Variants in NCOA3 observed in about 807,000 individuals in gnomAD.
The protein encoded by NCOA3 is CBP-interacting protein.
NCOA3 carries 51 observed loss-of-function variants against 158.8 expected under a neutral mutation model. That is an observed-to-expected ratio of 0.32 (90% CI 0.26 to 0.41). The LOEUF (loss-of-function observed/expected upper bound fraction) is 0.41. Ranked by LOEUF, NCOA3 falls within the 10% of genes least tolerant of loss-of-function variation. NCOA3 has a pLI of 1.00. For missense variants in NCOA3, 1,510 were observed against 1,746.6 expected, an observed-to-expected ratio of 0.86 and a Z score of 2.41; for synonymous variants, 537 against 592.4, an observed-to-expected ratio of 0.91 and a Z score of 1.36.
At chr20:47,577,137 TAAGCAAA>T (rs2085385011) in intron 1 of NCOA3, among the ~76,000 whole-genome samples, 1 of 152,268 alleles carries the variant, frequency 6.6e-6, no homozygotes, top group Non-Finnish European at 1.5e-5. Context: ...TATCGTTGTA[TAAGCAAA>T]AATGTATGGC....
chr20:47,510,653 T>C (rs958628899), intron 1 of NCOA3, among the ~76,000 whole-genome samples: 3 of 151,888 alleles, frequency 2.0e-5, no homozygotes, highest in Non-Finnish European at 4.4e-5. Context: ...GAGTGTAGTG[T>C]CACCATCACA....
At chr20:47,529,193 C>T (rs2084506384) in intron 1 of NCOA3, among the ~76,000 whole-genome samples, 1 of 147,752 alleles carries the variant, frequency 6.8e-6, no homozygotes, top group Admixed American at 6.7e-5. Flanking sequence ...GAGTGCATCT[C>T]AGCACTGCAA....
intron 1 of NCOA3, among the ~76,000 whole-genome samples, chr20:47,544,633 A>G (rs1301554906): frequency 6.6e-6 from 1 of 152,110 alleles, no homozygotes; most frequent in Non-Finnish European, 1.5e-5. Context: ...ATTACCTAGT[A>G]ACTTCTTTTT....
intron 1 of NCOA3, among the ~76,000 whole-genome samples, chr20:47,545,065 CT>C (rs1330405471): frequency 6.6e-6 from 1 of 150,712 alleles, no homozygotes; most frequent in Non-Finnish European, 1.5e-5. Context: ...TGTCATTCCA[CT>C]GTCTTCTGGC....
intron 1 of NCOA3, among the ~76,000 whole-genome samples, chr20:47,555,601 T>C (rs2084989975): frequency 6.6e-6 from 1 of 151,998 alleles, no homozygotes; most frequent in Non-Finnish European, 1.5e-5. Flanking sequence ...GATGCAGATT[T>C]ATTTTGTTTT....
At position 47,622,122 on chromosome 20, in the gene NCOA3, A is replaced by G. The variant is rs2086250900; in HGVS notation, c.-19-107A>G. 1.4e-5 allele frequency: 8 copies of G among 588,460 alleles called. No individual in the cohort carries two copies. In the South Asian group the frequency reaches 1.8e-4, roughly 13 times the overall value. The allele number at this position is 588,460 out of a possible 1,614,324, so 36.5% of individuals were successfully genotyped here. A position where few individuals can be genotyped will look rare whatever the true frequency, so the allele number is the denominator to read the frequency against. ...AATATTGAGAATTATCTGTTTAGAG[A>G]AAGTAGTTCTGAATTAAAAGTTGCA... On this transcript the variant is annotated intron_variant, in intron 2 of 22. Transcript: ENST00000371998.
chr20:47,504,388 A>G (rs1457131447), intron 1 of NCOA3, among the ~76,000 whole-genome samples: 1 of 152,136 alleles, frequency 6.6e-6, no homozygotes, highest in Non-Finnish European at 1.5e-5. Context: ...AGTAGTTTAA[A>G]AATGGTTGCT....
At chr20:47,571,730 T>C (rs2085298369) in intron 1 of NCOA3, among the ~76,000 whole-genome samples, 1 of 152,180 alleles carries the variant, frequency 6.6e-6, no homozygotes, top group Non-Finnish European at 1.5e-5. Context: ...TTCTTTTTTT[T>C]TGAGACAGGG....
intron 22 of NCOA3, 99 bp from the exon 23 acceptor site, chr20:47,653,307 A>C: frequency 7.0e-7 from 1 of 1,421,092 alleles, no homozygotes; most frequent in Non-Finnish European, 9.7e-7. Flanking sequence ...CCAGAGCTGC[A>C]CTGTAAGCCA....
At chr20:47,564,229 GT>G (rs2085156231) in intron 1 of NCOA3, among the ~76,000 whole-genome samples, 1 of 150,972 alleles carries the variant, frequency 6.6e-6, no homozygotes, top group East Asian at 1.9e-4. Context: ...TATAAACATT[GT>G]TCTCACACAT....
chr20:47,629,440 C>T (rs2086378392), intron 8 of NCOA3, among the ~76,000 whole-genome samples: 1 of 151,966 alleles, frequency 6.6e-6, no homozygotes, highest in African/African-American at 2.4e-5. Context: ...AGTGATTCTC[C>T]TGCCTCAGCC....
At chr20:47,526,165 C>T (rs1405019401) in intron 1 of NCOA3, among the ~76,000 whole-genome samples, 6 of 150,330 alleles carry the variant, frequency 4.0e-5, no homozygotes, top group East Asian at 4.0e-4. Flanking sequence ...AGACGATGGG[C>T]GGCCGGGCAG....
At chr20:47,557,583 A>G (rs6125042) in intron 1 of NCOA3, among the ~76,000 whole-genome samples, 15,574 of 152,248 alleles carry the variant, frequency 0.1, 884 homozygotes, top group Non-Finnish European at 0.12. Context: ...GTGCATATAT[A>G]CAAATTGAGA....
chr20:47,507,370 T>A (rs1330418493), intron 1 of NCOA3, among the ~76,000 whole-genome samples: 2 of 152,224 alleles, frequency 1.3e-5, no homozygotes, highest in African/African-American at 2.4e-5. Flanking sequence ...GAAAGCATGT[T>A]GAGCTGGGCA....
At chr20:47,525,792 GCGGC>G (rs2084430294) in intron 1 of NCOA3, among the ~76,000 whole-genome samples, 1 of 114,046 alleles carries the variant, frequency 8.8e-6, no homozygotes, top group African/African-American at 3.8e-5. Context: ...CCCAGACGGG[GCGGC>G]TGGCCGGGCA....
chr20:47,629,444 C>G (rs1320862607), intron 8 of NCOA3, among the ~76,000 whole-genome samples: 1 of 152,064 alleles, frequency 6.6e-6, no homozygotes, highest in Non-Finnish European at 1.5e-5. Flanking sequence ...ATTCTCCTGC[C>G]TCAGCCTCCC....
intron 1 of NCOA3, among the ~76,000 whole-genome samples, chr20:47,502,250 G>C (rs928413654): frequency 2.0e-5 from 3 of 152,210 alleles, no homozygotes; most frequent in Non-Finnish European, 4.4e-5. Context: ...GACGAAGCTG[G>C]GTGGCAGTCC....
At chr20:47,559,973 A>G (rs533108398) in intron 1 of NCOA3, among the ~76,000 whole-genome samples, 2 of 152,188 alleles carry the variant, frequency 1.3e-5, no homozygotes, top group South Asian at 2.1e-4. Flanking sequence ...TTTAATAGAG[A>G]TGGGCTTTCA....
chr20:47,577,781 A>G (rs559170303), intron 1 of NCOA3, among the ~76,000 whole-genome samples: 6 of 152,340 alleles, frequency 3.9e-5, no homozygotes, highest in East Asian at 1.9e-4. Context: ...TACAAAATCT[A>G]GGTTTTCAGA....
Sources: allele counts gnomAD v4.1 joint callset (sites outside exome capture counted in the v4.1 genomes callset), GRCh38; gene constraint gnomAD v4.1.1; transcripts MANE v1.5; gene names NCBI Gene and HGNC (gene_info 2026-07-23, HGNC 2026-07-21).